Variants in ZSWIM6 observed in about 807,000 individuals in gnomAD.
ZSWIM6 encodes the protein zinc finger SWIM-type containing 6, also known as zinc finger SWIM domain-containing protein 6.
A neutral mutation model predicts 113.2 loss-of-function variants in ZSWIM6; 9 were observed. The ratio of observed to expected loss-of-function variants is 0.08; its 90% confidence interval spans 0.05 to 0.14. The LOEUF is 0.14. Among genes scored for constraint, ZSWIM6 ranks in the 10% least tolerant of loss-of-function variants. ZSWIM6 has a pLI of 1.00. For synonymous variants in ZSWIM6, 611 were observed against 606.5 expected (o/e 1.01, Z -0.11); for missense variants, 1,162 against 1,552.2 (o/e 0.75, Z 4.22).
intron 4 of ZSWIM6, among the ~76,000 whole-genome samples, chr5:61,514,390 G>A (rs964524812): frequency 6.6e-6 from 1 of 151,082 alleles, no homozygotes; most frequent in Non-Finnish European, 1.5e-5. Context: ...TTATTGGCCT[G>A]TCTAGAATTT....
chr5:61,527,486 A>G (rs1431124380), intron 7 of ZSWIM6, among the ~76,000 whole-genome samples: 1 of 152,212 alleles, frequency 6.6e-6, no homozygotes, highest in African/African-American at 2.4e-5. Flanking sequence ...CAAAAGTTAC[A>G]GTTGAACCAA....
At position 61,332,713 on chromosome 5, in the gene ZSWIM6, G is replaced by GGGCGGC. The variant is rs864309616; in HGVS notation, c.457_462dup (p.Gly153_Gly154dup). 5.3e-5 allele frequency: 49 copies of GGGCGGC among 928,520 alleles called. No homozygotes were observed. The South Asian group carries it at 5.8e-4, about 11-fold the overall frequency. 57.5% of individuals were successfully genotyped at this position (928,520 alleles called of 1,614,324 possible). On this transcript the variant is annotated inframe_insertion, in exon 1 of 14. Transcript: ENST00000252744. Reference sequence around the variant, plus strand: ...ACGACAGCGGTGGCGGCGGCGGCGCGGGCGGCGGCGGCGGCGGCGGCTCCT... The same window carrying GGGCGGC: ...ACGACAGCGGTGGCGGCGGCGGCGCGGGCGGCGGCGGCGGCGGCGGCGGCGGCTCCT...
At chr5:61,385,313 A>C (rs550821254) in intron 1 of ZSWIM6, among the ~76,000 whole-genome samples, 1 of 152,216 alleles carries the variant, frequency 6.6e-6, no homozygotes, top group African/African-American at 2.4e-5. Flanking sequence ...CCAAGCCAGC[A>C]TGTATTCCTG....
chr5:61,339,223 A>G (rs1744476060), intron 1 of ZSWIM6, among the ~76,000 whole-genome samples: 1 of 152,210 alleles, frequency 6.6e-6, no homozygotes, highest in African/African-American at 2.4e-5. Flanking sequence ...CCTGGGCAAC[A>G]TGGTGAAACC....
At chr5:61,448,194 C>T (rs984465885) in intron 1 of ZSWIM6, among the ~76,000 whole-genome samples, 2 of 152,110 alleles carry the variant, frequency 1.3e-5, no homozygotes, top group African/African-American at 4.8e-5. Context: ...ACAATTGGGC[C>T]AGTTTCCATA....
At chr5:61,456,434 G>A (rs1051497748) in intron 1 of ZSWIM6, among the ~76,000 whole-genome samples, 14 of 152,012 alleles carry the variant, frequency 9.2e-5, no homozygotes, top group African/African-American at 3.1e-4. Context: ...CTAATAGACC[G>A]GCAGAGGTGA....
chr5:61,333,922 A>C (rs1338689808), intron 1 of ZSWIM6, among the ~76,000 whole-genome samples: 1 of 151,902 alleles, frequency 6.6e-6, no homozygotes, highest in Non-Finnish European at 1.5e-5. Context: ...GGGCTGCAGG[A>C]GCGCGAGGCA....
intron 4 of ZSWIM6, among the ~76,000 whole-genome samples, chr5:61,507,148 A>G (rs535185465): frequency 4.3e-4 from 65 of 152,288 alleles, no homozygotes; most frequent in African/African-American, 1.6e-3. Context: ...GTGATATTAT[A>G]CACATAGTTG....
At position 61,336,668 on chromosome 5, in the gene ZSWIM6, T is replaced by TG. The variant is rs552808303; in HGVS notation, c.676+3722dup. Among the ~76,000 whole-genome samples the TG allele has an allele frequency of 7.1e-3, 1,082 of 152,084 alleles. 10 individuals carry two copies. The highest frequency in any genetic ancestry group is 0.012 in the Non-Finnish European group (805 of 67,990). On this transcript the variant is annotated intron_variant, in intron 1 of 13. Transcript: ENST00000252744. The stretch of plus-strand genomic sequence containing the variant: ...TACTTGGGAAGCTGAGGCAGAAGAA[T>TG]GGCTTGAACCCGGGAAGCGGAGGTT...
At chr5:61,365,686 G>C (rs990901798) in intron 1 of ZSWIM6, among the ~76,000 whole-genome samples, 1 of 152,132 alleles carries the variant, frequency 6.6e-6, no homozygotes, top group African/African-American at 2.4e-5. Context: ...GCGGTTTTCA[G>C]TACTTAGGTT....
At chr5:61,434,252 T>A (rs1420364951) in intron 1 of ZSWIM6, among the ~76,000 whole-genome samples, 1 of 149,314 alleles carries the variant, frequency 6.7e-6, no homozygotes, top group African/African-American at 2.4e-5. Context: ...TAGTAAAATA[T>A]GTACATTTTA....
In ZSWIM6 at chr5:61,525,961, T is replaced by C. The variant is rs947147763; in HGVS notation, c.1675T>C (p.Trp559Arg). The change falls in exon 6 of 14, where the codon TGG becomes CGG. Residue 559 changes from tryptophan (W) to arginine (R), a missense_variant. Coordinates refer to ENST00000252744, the MANE Select transcript of ZSWIM6 (RefSeq NM_020928.2). ...AAACTCCCTCTTCGACTCCCGCGGG[T>C]GGCCCCTCTGGCATGGTAAGTGACC... ...TENSLFDSRG[W>R]PLWHEHVPTA... 6.4e-7 allele frequency: 1 copy of C among 1,551,524 alleles called. No homozygotes were observed. The highest frequency in any genetic ancestry group is 1.4e-5 in the African/African-American group (1 of 72,970).
Position 61,441,469 on chromosome 5 carries a change from AT to A in ZSWIM6, c.677-31211del, listed in dbSNP as rs540301849. On this transcript the variant is annotated intron_variant, in intron 1 of 13. Transcript: ENST00000252744. ...GGTGGTGGTTTTCAATCCTCCCCCT[AT>A]ATATTAAGCACAATTGCAAAAAATA... Among the ~76,000 whole-genome samples the A allele has an allele frequency of 1.1e-4, 16 of 152,314 alleles. No individual in the cohort carries two copies. The South Asian group carries it at 2.9e-3, about 28-fold the overall frequency.
intron 1 of ZSWIM6, among the ~76,000 whole-genome samples, chr5:61,383,143 A>G (rs1249364015): frequency 6.6e-6 from 1 of 152,234 alleles, no homozygotes; most frequent in Non-Finnish European, 1.5e-5. Flanking sequence ...TGTAACTTAC[A>G]TACTTTTAAA....
chr5:61,429,840 C>G lies in ZSWIM6; in HGVS notation c.677-42841C>G, dbSNP rs568959383. On this transcript the variant is annotated intron_variant, in intron 1 of 13. Transcript: ENST00000252744. ...GCTCAGCTCCAGTGGGTACTGATCA[C>G]ATTGTCTTTTGTGTGAACGGTATCC... is the stretch of plus-strand genomic sequence containing the variant. Among the ~76,000 whole-genome samples, 3 of 152,190 alleles carry G rather than the reference C, an allele frequency of 2.0e-5. No homozygotes were observed. The South Asian group carries it at 6.2e-4, about 32-fold the overall frequency.
At chr5:61,523,600 GATA>G (rs1351138668) in intron 5 of ZSWIM6, among the ~76,000 whole-genome samples, 3 of 152,150 alleles carry the variant, frequency 2.0e-5, no homozygotes, top group Non-Finnish European at 4.4e-5. Flanking sequence ...AATTGCTCAA[GATA>G]ATTATTTCCC....
chr5:61,482,769 T>C (rs1747909385), intron 2 of ZSWIM6, among the ~76,000 whole-genome samples: 1 of 152,120 alleles, frequency 6.6e-6, no homozygotes, highest in Admixed American at 6.5e-5. Context: ...CATTATAGAA[T>C]TTTAGAGTTA....
chr5:61,538,400 A>T (rs1335351962), intron 10 of ZSWIM6, among the ~76,000 whole-genome samples: 1 of 152,236 alleles, frequency 6.6e-6, no homozygotes, highest in Non-Finnish European at 1.5e-5. Context: ...TCAGTCTTAA[A>T]TATCCATTTC....
At position 61,388,438 on chromosome 5, in the gene ZSWIM6, C is replaced by T. The variant is rs541200200; in HGVS notation, c.676+55490C>T. On this transcript the variant is annotated intron_variant, in intron 1 of 13. Transcript: ENST00000252744. ...TCCTTTGAAAAACAAAACAAAAAAC[C>T]TACAAAACCATCTCTACTTTCTCCT... Among the ~76,000 whole-genome samples the T allele has an allele frequency of 2.8e-4, 42 of 152,300 alleles. 1 individual carries two copies. Among genetic ancestry groups the T allele is most frequent in the African/African-American group, 8.7e-4 (36 of 41,568 alleles).
Sources: allele counts gnomAD v4.1 joint callset (sites outside exome capture counted in the v4.1 genomes callset), GRCh38; gene constraint gnomAD v4.1.1; transcripts MANE v1.5; gene names NCBI Gene and HGNC (gene_info 2026-07-23, HGNC 2026-07-21).